QTMAN: variants seen among roughly 807,000 people sequenced by gnomAD.
QTMAN encodes the protein queuosine-tRNA mannosyltransferase.
At chr2:144,332,777 C>T in the QTMAN span, among the ~76,000 whole-genome samples, 1 of 152,186 alleles carries the variant, frequency 6.6e-6, no homozygotes, top group African/African-American at 2.4e-5. Context: ...CCCCACCTCC[C>T]TGTGCGCCCT....
chr2:144,150,124 T>C, the QTMAN span, among the ~76,000 whole-genome samples: 40 of 152,186 alleles, frequency 2.6e-4, no homozygotes, highest in African/African-American at 8.9e-4. Context: ...AATGAGATAG[T>C]GTATACAATT....
the QTMAN span, chr2:143,952,718 AG>A: frequency 8.6e-7 from 1 of 1,162,036 alleles, no homozygotes; most frequent in South Asian, 1.3e-5. Flanking sequence ...TTTCTAATTT[AG>A]CATGAATCAT....
the QTMAN span, among the ~76,000 whole-genome samples, chr2:144,305,957 T>G: frequency 6.6e-6 from 1 of 152,230 alleles, no homozygotes; most frequent in Non-Finnish European, 1.5e-5. Context: ...TGGTGATTCC[T>G]TAGGATTTTC....
chr2:144,046,535 G>A, the QTMAN span, among the ~76,000 whole-genome samples: 1 of 152,144 alleles, frequency 6.6e-6, no homozygotes, highest in African/African-American at 2.4e-5. Flanking sequence ...ACCATGGCTG[G>A]CTCATATAGG....
At chr2:143,951,794 A>G in the QTMAN span, among the ~76,000 whole-genome samples, 111 of 151,702 alleles carry the variant, frequency 7.3e-4, no homozygotes, top group African/African-American at 2.6e-3. Flanking sequence ...AAGTGCACGT[A>G]TTTCATAAGA....
chr2:143,973,519 G>A, the QTMAN span, among the ~76,000 whole-genome samples: 5 of 152,088 alleles, frequency 3.3e-5, no homozygotes, highest in Middle Eastern at 6.8e-3. Flanking sequence ...GGCCGGGCGC[G>A]GTGGCTCACG....
At chr2:144,054,837 G>A in the QTMAN span, among the ~76,000 whole-genome samples, 1 of 152,202 alleles carries the variant, frequency 6.6e-6, no homozygotes. Context: ...TCCTTGCTTG[G>A]CTTTTTTCTG....
chr2:144,117,295 A>G, the QTMAN span, among the ~76,000 whole-genome samples: 1 of 152,038 alleles, frequency 6.6e-6, no homozygotes, highest in African/African-American at 2.4e-5. Context: ...CCTTTTTTCA[A>G]ATTCAACCTC....
the QTMAN span, among the ~76,000 whole-genome samples, chr2:144,124,248 G>A: frequency 1.3e-5 from 2 of 152,202 alleles, no homozygotes; most frequent in Admixed American, 6.5e-5. Flanking sequence ...TTGTGGTACA[G>A]TTATTAAGAA....
chr2:144,040,446 T>C, the QTMAN span, among the ~76,000 whole-genome samples: 3 of 152,112 alleles, frequency 2.0e-5, no homozygotes, highest in African/African-American at 7.2e-5. Context: ...TTTTCTCTGT[T>C]TGCCCTACTT....
chr2:144,302,704 C>T, the QTMAN span, among the ~76,000 whole-genome samples: 3 of 152,184 alleles, frequency 2.0e-5, no homozygotes, highest in Non-Finnish European at 4.4e-5. Flanking sequence ...ATGAGTACAG[C>T]ATTTGATGGG....
the QTMAN span, among the ~76,000 whole-genome samples, chr2:143,948,493 T>C: frequency 4.6e-5 from 7 of 151,874 alleles, no homozygotes; most frequent in Non-Finnish European, 7.4e-5. Flanking sequence ...AAATGAAAAA[T>C]AGGATGGGAA....
At chr2:144,117,089 CA>C in the QTMAN span, among the ~76,000 whole-genome samples, 1 of 152,178 alleles carries the variant, frequency 6.6e-6, no homozygotes, top group African/African-American at 2.4e-5. Context: ...CAGCACCCCG[CA>C]TACCACCTGA....
the QTMAN span, among the ~76,000 whole-genome samples, chr2:144,119,185 CATTT>C: frequency 6.6e-6 from 1 of 152,076 alleles, no homozygotes; most frequent in Non-Finnish European, 1.5e-5. Flanking sequence ...TCCCAGAGTT[CATTT>C]GTTTACATAA....
the QTMAN span, among the ~76,000 whole-genome samples, chr2:144,138,612 A>G: frequency 1.3e-5 from 2 of 151,782 alleles, no homozygotes; most frequent in Non-Finnish European, 2.9e-5. Flanking sequence ...ATGGGGCCTT[A>G]CACAGAAGCA....
chr2:144,049,684 A>ATTTATCAACAG, the QTMAN span, among the ~76,000 whole-genome samples: 3 of 152,250 alleles, frequency 2.0e-5, no homozygotes, highest in African/African-American at 4.8e-5. Flanking sequence ...ATACAAACCC[A>ATTTATCAACAG]TTACTTGTCA....
chr2:144,056,875 G>A, the QTMAN span, among the ~76,000 whole-genome samples: 27 of 152,288 alleles, frequency 1.8e-4, no homozygotes, highest in South Asian at 2.1e-4. Flanking sequence ...AGAACTTTTC[G>A]AAATACTTAA....
At chr2:144,055,660 C>T in the QTMAN span, among the ~76,000 whole-genome samples, 1 of 152,066 alleles carries the variant, frequency 6.6e-6, no homozygotes, top group Non-Finnish European at 1.5e-5. Context: ...CTAGAGGGGG[C>T]AGGAGTCACT....
chr2:144,148,276 C>A, the QTMAN span, among the ~76,000 whole-genome samples: 1 of 151,468 alleles, frequency 6.6e-6, no homozygotes, highest in Non-Finnish European at 1.5e-5. Flanking sequence ...AATGCTACTA[C>A]TAATAATAAA....
Sources: allele counts gnomAD v4.1 joint callset (sites outside exome capture counted in the v4.1 genomes callset), GRCh38; gene constraint gnomAD v4.1.1; transcripts MANE v1.5; gene names NCBI Gene and HGNC (gene_info 2026-07-23, HGNC 2026-07-21).